Variants in PBX1 observed in about 807,000 individuals in gnomAD.
PBX1 encodes the protein pre-B-cell leukemia transcription factor 1.
PBX1 carries 6 observed loss-of-function variants against 53.4 expected under a neutral mutation model. The observed-to-expected ratio is 0.11, with a 90% CI of 0.06 to 0.22. PBX1 has a LOEUF of 0.22. Among genes scored for constraint, PBX1 ranks in the 10% least tolerant of loss-of-function variants. The probability of loss-of-function intolerance (pLI) is 1.00; values close to 1 mark genes in which losing one functional copy is unlikely to be tolerated. For missense variants in PBX1, 251 were observed against 551.4 expected (o/e 0.46, Z 5.46); for synonymous variants, 204 against 212.3 (o/e 0.96, Z 0.34).
intron 3 of PBX1, among the ~76,000 whole-genome samples, chr1:164,795,471 A>G (rs1305643575): frequency 6.6e-6 from 1 of 152,218 alleles, no homozygotes; most frequent in Admixed American, 6.5e-5. Flanking sequence ...GAAATTGAGA[A>G]CTAAAAAGCT....
intron 8 of PBX1, among the ~76,000 whole-genome samples, chr1:164,835,238 GGTTTTT>G (rs1202010980): frequency 0.018 from 2,185 of 123,536 alleles, 54 homozygotes; most frequent in African/African-American, 0.069. Context: ...TTTTGATTTT[GGTTTTT>G]TTTTTTTTTT....
chr1:164,575,122 T>A (rs1190471276), intron 2 of PBX1, among the ~76,000 whole-genome samples: 1 of 152,244 alleles, frequency 6.6e-6, no homozygotes, highest in Non-Finnish European at 1.5e-5. Flanking sequence ...GATTTTAGAC[T>A]GGAAACTTGT....
intron 2 of PBX1, among the ~76,000 whole-genome samples, chr1:164,724,055 A>G (rs1170167661): frequency 6.6e-6 from 1 of 152,196 alleles, no homozygotes; most frequent in Non-Finnish European, 1.5e-5. Context: ...AAAACCTGGA[A>G]TGACTTTCTT....
intron 8 of PBX1, among the ~76,000 whole-genome samples, chr1:164,823,955 G>A (rs1670293872): frequency 6.6e-6 from 1 of 152,134 alleles, no homozygotes; most frequent in Non-Finnish European, 1.5e-5. Context: ...GGTATTCGAT[G>A]CTAAGACATG....
intron 2 of PBX1, among the ~76,000 whole-genome samples, chr1:164,686,741 G>A (rs1419969629): frequency 3.3e-5 from 5 of 151,858 alleles, no homozygotes; most frequent in African/African-American, 4.8e-5. Flanking sequence ...GGCGGATCAC[G>A]AGGTCAGGAG....
rs1006849755 is a variant in PBX1, at chr1:164,848,423, G to A, written c.*1747G>A. ...TGTGAGAGACTGAGAAGTTGATTTT[G>A]TTCATATCCAATCTGTAAATGCGAA... is the stretch of plus-strand genomic sequence containing the variant. On this transcript the variant is annotated 3_prime_UTR_variant, in exon 9 of 9. Transcript: ENST00000420696. The A allele has an allele frequency of 7.6e-6, 8 of 1,055,574 alleles. No homozygotes were observed. The African/African-American group carries it at 1.2e-4, about 15-fold the overall frequency. The allele number at this position is 1,055,574 out of a possible 1,614,324, so 65.4% of individuals were successfully genotyped here.
chr1:164,563,679 T>C (rs1288059739), intron 2 of PBX1, among the ~76,000 whole-genome samples: 1 of 152,124 alleles, frequency 6.6e-6, no homozygotes, highest in African/African-American at 2.4e-5. Flanking sequence ...AACCCTAATT[T>C]TTTTGGAGTT....
At chr1:164,562,494 C>CACACACACACACACACACACACA (rs1571223010) in intron 1 of PBX1, among the ~76,000 whole-genome samples, 3 of 146,214 alleles carry the variant, frequency 2.1e-5, no homozygotes, top group East Asian at 3.9e-4. Context: ...CACACACACA[C>CACACACACACACACACACACACA]CAGGTAAATC....
chr1:164,870,279 T>TTCTG (rs1672335069), intron 2 of PBX1, among the ~76,000 whole-genome samples: 1 of 20,282 alleles, frequency 4.9e-5, no homozygotes, highest in Non-Finnish European at 1.1e-4. Flanking sequence ...CTTTCTTTCT[T>TTCTG]TCTTTCTTTC....
rs958992873 is a variant in PBX1, at chr1:164,845,905, A to G, written c.1201-679A>G. Reference sequence around the variant, plus strand: ...ACCTCAAAGAGTGCTCCCTCTATGAAGTATTTCCTGATGTTGCAACAAAAT... The same window carrying G: ...ACCTCAAAGAGTGCTCCCTCTATGAGGTATTTCCTGATGTTGCAACAAAAT... On this transcript the variant is annotated intron_variant, in intron 8 of 8. Transcript: ENST00000420696. Among the ~76,000 whole-genome samples, 8 of 152,320 alleles carry G rather than the reference A, an allele frequency of 5.3e-5. No homozygotes were observed. The South Asian group carries it at 1.7e-3, about 32-fold the overall frequency.
chr1:164,612,791 G>C (rs1001827198), intron 2 of PBX1, among the ~76,000 whole-genome samples: 6 of 152,092 alleles, frequency 3.9e-5, no homozygotes, highest in Admixed American at 6.5e-5. Context: ...TGAGTTGCTG[G>C]TGTCTCATGA....
intron 3 of PBX1, among the ~76,000 whole-genome samples, chr1:164,798,595 G>T (rs561820478): frequency 1.1e-4 from 17 of 152,340 alleles, no homozygotes; most frequent in Admixed American, 7.2e-4. Context: ...CTTCATGTTT[G>T]CTGTGTGCCT....
At chr1:164,699,371 T>C (rs1037007325) in intron 2 of PBX1, among the ~76,000 whole-genome samples, 1 of 152,216 alleles carries the variant, frequency 6.6e-6, no homozygotes, top group African/African-American at 2.4e-5. Context: ...TGTGCCTTTC[T>C]ACCTGCTCGT....
intron 2 of PBX1, among the ~76,000 whole-genome samples, chr1:164,876,702 AG>A (rs1377618825): frequency 6.6e-6 from 1 of 152,132 alleles, no homozygotes; most frequent in Non-Finnish European, 1.5e-5. Flanking sequence ...TCTGTGGAAA[AG>A]CAGAAGGCCT....
In PBX1 at chr1:164,795,056, AC is replaced by A. The variant is rs1209880663; in HGVS notation, c.510+2320del. Among the ~76,000 whole-genome samples, 829 of 152,332 alleles carry A rather than the reference AC, an allele frequency of 5.4e-3. 8 individuals are homozygous for A. Among genetic ancestry groups the A allele is most frequent in the African/African-American group, 0.019 (781 of 41,558 alleles). ...CCATAGTACATTTTAATAGCATGTC[AC>A]CAATTACAAAACACTGCGGCTGACA... On this transcript the variant is annotated intron_variant, in intron 3 of 8. Coordinates refer to ENST00000420696, the MANE Select transcript of PBX1 (RefSeq NM_002585.4).
intron 2 of PBX1, among the ~76,000 whole-genome samples, chr1:164,778,222 T>C (rs1176691969): frequency 6.6e-6 from 1 of 152,062 alleles, no homozygotes; most frequent in Non-Finnish European, 1.5e-5. Flanking sequence ...TGGGTAACTT[T>C]TGTTTCACTT....
At chr1:164,817,961 G>A (rs1433525087) in intron 6 of PBX1, 1 of 152,226 alleles carries the variant, frequency 6.6e-6, no homozygotes, top group Admixed American at 6.5e-5. Context: ...GAGACGATGG[G>A]AGAGAAGTAA....
In PBX1 at chr1:164,851,704, C is replaced by A; in HGVS notation, c.*5028C>A. On this transcript the variant is annotated 3_prime_UTR_variant, in exon 9 of 9. Coordinates refer to ENST00000420696, the MANE Select transcript of PBX1 (RefSeq NM_002585.4). ...CTTCTGTGAGAGCACAGGCTTCTGT[C>A]CCTTTTGATTCCAACTGAACTTTTG... is the stretch of plus-strand genomic sequence containing the variant. The A allele has an allele frequency of 5.5e-6, 1 of 181,956 alleles. No individual in the cohort carries two copies. The highest frequency in any genetic ancestry group is 8.9e-5 in the East Asian group (1 of 11,194). The allele number at this position is 181,956 out of a possible 1,614,324, so 11.3% of individuals were successfully genotyped here. A position where few individuals can be genotyped will look rare whatever the true frequency, so the allele number is the denominator to read the frequency against.
At chr1:164,809,067 G>T (rs1669485148) in intron 5 of PBX1, among the ~76,000 whole-genome samples, 1 of 152,160 alleles carries the variant, frequency 6.6e-6, no homozygotes, top group Non-Finnish European at 1.5e-5. Context: ...TTTGAGGAAT[G>T]CTTCTAGGTA....
Sources: allele counts gnomAD v4.1 joint callset (sites outside exome capture counted in the v4.1 genomes callset), GRCh38; gene constraint gnomAD v4.1.1; transcripts MANE v1.5; gene names NCBI Gene and HGNC (gene_info 2026-07-23, HGNC 2026-07-21).